ASIC2: variants seen among roughly 807,000 people sequenced by gnomAD.
The protein encoded by ASIC2 is acid sensing ion channel subunit 2.
A neutral mutation model predicts 57.3 loss-of-function variants in ASIC2; 25 were observed. The ratio of observed to expected loss-of-function variants is 0.44; its 90% confidence interval spans 0.32 to 0.61. The LOEUF is 0.61. Ranked by LOEUF, ASIC2 falls within the 20% of genes least tolerant of loss-of-function variation. ASIC2 has a pLI of 0.06. For synonymous variants in ASIC2, 319 were observed against 307.5 expected, an observed-to-expected ratio of 1.04 and a Z score of -0.39; for missense variants, 641 against 738.1, an observed-to-expected ratio of 0.87 and a Z score of 1.52.
At chr17:33,726,242 C>A (rs1051339720) in intron 1 of ASIC2, among the ~76,000 whole-genome samples, 1 of 152,140 alleles carries the variant, frequency 6.6e-6, no homozygotes, top group Non-Finnish European at 1.5e-5. Context: ...ACCCAGGGGT[C>A]CTAGCATCCC....
chr17:33,832,489 G>A (rs76858520), intron 1 of ASIC2, among the ~76,000 whole-genome samples: 3,127 of 152,274 alleles, frequency 0.021, 114 homozygotes, highest in African/African-American at 0.071. Flanking sequence ...AGTTCAGGAC[G>A]TTGGAGAGAT....
chr17:33,584,117 G>T (rs1904535531), intron 1 of ASIC2, among the ~76,000 whole-genome samples: 1 of 152,168 alleles, frequency 6.6e-6, no homozygotes, highest in South Asian at 2.1e-4. Flanking sequence ...AATTGAAATT[G>T]CTAATACTCT....
chr17:33,383,285 C>T (rs1909556624), intron 1 of ASIC2, among the ~76,000 whole-genome samples: 1 of 152,122 alleles, frequency 6.6e-6, no homozygotes, highest in Admixed American at 6.5e-5. Flanking sequence ...GAGGGTGAGG[C>T]CATGTTGGGA....
In ASIC2 at chr17:33,722,607, GA is replaced by G. The variant is rs34281265; in HGVS notation, c.555+433370del. Among the ~76,000 whole-genome samples, 391 of 141,014 alleles carry G rather than the reference GA, an allele frequency of 2.8e-3. 2 individuals carry two copies. Among genetic ancestry groups the G allele is most frequent in the South Asian group, 0.02 (89 of 4,416 alleles). The allele number at this position is 141,014 out of a possible 152,430, so 92.5% of individuals were successfully genotyped here. A position where few individuals can be genotyped will look rare whatever the true frequency, so the allele number is the denominator to read the frequency against. ...GTAAGAGCCTCTCTCTACAAAAAAG[GA>G]AAAAAAAAAAAAATTAGCCAGGCCT... On this transcript the variant is annotated intron_variant, in intron 1 of 9. Coordinates refer to the ASIC2 transcript ENST00000359872.
rs531265673 is a variant in ASIC2, at chr17:33,013,794, C to T, written c.*171G>A. 125 of 637,338 alleles carry T rather than the reference C, an allele frequency of 2.0e-4. 1 individual carries two copies. The highest frequency in any genetic ancestry group is 1.7e-3 in the South Asian group (88 of 52,840). 39.5% of individuals were successfully genotyped at this position (637,338 alleles called of 1,614,324 possible). A position where few individuals can be genotyped will look rare whatever the true frequency, so the allele number is the denominator to read the frequency against. ...CGCACGGCGGGGCCCAAGGATGCGT[C>T]GTGTTGGACGTGGCCGGAGCGAGGT... is the stretch of plus-strand genomic sequence containing the variant. On this transcript the variant is annotated 3_prime_UTR_variant, in exon 10 of 10. Coordinates refer to ENST00000225823, the MANE Select transcript of ASIC2 (RefSeq NM_183377.2).
chr17:33,028,146 G>T, intron 4 of ASIC2, 96 bp downstream of exon 4: 1 of 1,473,054 alleles, frequency 6.8e-7, no homozygotes, highest in Non-Finnish European at 9.2e-7. Flanking sequence ...TTGGATCCCA[G>T]CGAAGTGGGT....
At chr17:33,708,352 T>C (rs966994197) in intron 1 of ASIC2, among the ~76,000 whole-genome samples, 1 of 152,220 alleles carries the variant, frequency 6.6e-6, no homozygotes, top group African/African-American at 2.4e-5. Context: ...TCCATCTGTC[T>C]TCTAACATCC....
At chr17:33,464,597 CTCTT>C (rs1567621279) in intron 1 of ASIC2, among the ~76,000 whole-genome samples, 1 of 137,678 alleles carries the variant, frequency 7.3e-6, no homozygotes, top group African/African-American at 2.7e-5. Flanking sequence ...CTTTCTTTCT[CTCTT>C]TCTTCCTTTC....
chr17:34,050,977 T>G (rs915545458), intron 1 of ASIC2, among the ~76,000 whole-genome samples: 1 of 152,222 alleles, frequency 6.6e-6, no homozygotes, highest in African/African-American at 2.4e-5. Flanking sequence ...GGCTTGCAGA[T>G]AGGTGTTTAT....
intron 1 of ASIC2, among the ~76,000 whole-genome samples, chr17:33,347,588 A>G (rs1382290988): frequency 6.6e-6 from 1 of 152,136 alleles, no homozygotes; most frequent in Non-Finnish European, 1.5e-5. Flanking sequence ...AGATTCTAAG[A>G]AGGGTCCTGG....
rs910687928 is a variant in ASIC2 at position 33,766,098 on chromosome 17, C to T, written c.555+389880G>A. ...TGCTTTCTATGGTTTTGGTTACCCA[C>T]GGTCAACCACAGTCCAAAAACAGGT... On this transcript the variant is annotated intron_variant, in intron 1 of 9. Coordinates refer to the ASIC2 transcript ENST00000359872. Among the ~76,000 whole-genome samples, 5 of 152,150 alleles carry T rather than the reference C, an allele frequency of 3.3e-5. No homozygotes were observed. The South Asian group carries it at 6.2e-4, about 19-fold the overall frequency.
chr17:33,795,166 G>A (rs1911880437), intron 1 of ASIC2, among the ~76,000 whole-genome samples: 1 of 152,188 alleles, frequency 6.6e-6, no homozygotes, highest in Non-Finnish European at 1.5e-5. Context: ...GTACTGAATG[G>A]TTTGTGCAAT....
chr17:33,962,566 T>C (rs1047665540), intron 1 of ASIC2, among the ~76,000 whole-genome samples: 2 of 152,034 alleles, frequency 1.3e-5, no homozygotes, highest in African/African-American at 4.8e-5. Flanking sequence ...GTCTCTTCTG[T>C]TATCATTTCG....
chr17:33,839,652 GTTAATTATT>G (rs1380310066), intron 1 of ASIC2, among the ~76,000 whole-genome samples: 2 of 152,140 alleles, frequency 1.3e-5, no homozygotes, highest in Non-Finnish European at 2.9e-5. Flanking sequence ...CTTATTCTCA[GTTAATTATT>G]CTAGCTGGCT....
intron 1 of ASIC2, among the ~76,000 whole-genome samples, chr17:33,814,254 G>C (rs948235789): frequency 6.6e-6 from 1 of 152,122 alleles, no homozygotes; most frequent in African/African-American, 2.4e-5. Context: ...CTTCCTCCAT[G>C]GGAAGCAAAG....
At chr17:33,865,388 ATGT>A (rs1393499284) in intron 1 of ASIC2, among the ~76,000 whole-genome samples, 6 of 152,300 alleles carry the variant, frequency 3.9e-5, no homozygotes, top group Non-Finnish European at 2.9e-5. Flanking sequence ...AAAGTAATAG[ATGT>A]TGTTAAAAAT....
chr17:34,073,884 G>C lies in ASIC2; in HGVS notation c.555+82094C>G, dbSNP rs576241834. Among the ~76,000 whole-genome samples the C allele has an allele frequency of 2.0e-5, 3 of 152,272 alleles. No individual in the cohort carries two copies. The East Asian group carries it at 5.8e-4, about 29-fold the overall frequency. ...TAAAGTGAGAGCAGCTGGCCACCCAGGTGTGTGAAGTCAGCCAGCTCCCTG... is the reference window on the plus strand; with the variant it reads ...TAAAGTGAGAGCAGCTGGCCACCCACGTGTGTGAAGTCAGCCAGCTCCCTG... On this transcript the variant is annotated intron_variant, in intron 1 of 9. Coordinates refer to the ASIC2 transcript ENST00000359872.
chr17:33,241,645 G>A (rs1387956396), intron 1 of ASIC2, among the ~76,000 whole-genome samples: 1 of 152,226 alleles, frequency 6.6e-6, no homozygotes, highest in East Asian at 1.9e-4. Flanking sequence ...AAAGAGGACT[G>A]TATTTATGGG....
At chr17:33,838,464 T>C (rs1465010839) in intron 1 of ASIC2, among the ~76,000 whole-genome samples, 1 of 152,198 alleles carries the variant, frequency 6.6e-6, no homozygotes, top group African/African-American at 2.4e-5. Flanking sequence ...CTTGATCAAC[T>C]ATCAGATGAC....
Sources: gnomAD v4.1 joint callset for allele counts (sites outside exome capture counted in the v4.1 genomes callset) on GRCh38, gnomAD v4.1.1 for gene constraint, MANE v1.5 for transcripts, NCBI Gene and HGNC (gene_info 2026-07-23, HGNC 2026-07-21) for gene names.